DLGAP2: variants seen among roughly 807,000 people sequenced by gnomAD.
DLGAP2 encodes the protein DLG associated protein 2.
A neutral mutation model predicts 100.3 loss-of-function variants in DLGAP2; 26 were observed. That is an observed-to-expected ratio of 0.26 (90% CI 0.19 to 0.36). DLGAP2 has a LOEUF of 0.36. Ranked by LOEUF, DLGAP2 falls within the 10% of genes least tolerant of loss-of-function variation. DLGAP2 has a pLI of 1.00. For missense variants in DLGAP2, 1,858 were observed against 1,453.2 expected (o/e 1.28, Z -4.53); for synonymous variants, 886 against 630.1 (o/e 1.41, Z -6.08).
At chr8:833,451 G>A (rs1460129559) in intron 1 of DLGAP2, among the ~76,000 whole-genome samples, 2 of 152,140 alleles carry the variant, frequency 1.3e-5, no homozygotes, top group Admixed American at 6.5e-5. Flanking sequence ...TCCCAGCTTT[G>A]GAGGGTCCTG....
chr8:762,524 C>T (rs76422172), intron 1 of DLGAP2, among the ~76,000 whole-genome samples: 17 of 152,236 alleles, frequency 1.1e-4, no homozygotes, highest in Non-Finnish European at 2.1e-4. Flanking sequence ...GAAACCATTC[C>T]GAGTCGCCAC....
At chr8:1,432,827 G>T (rs1345779554) in intron 3 of DLGAP2, among the ~76,000 whole-genome samples, 1 of 152,192 alleles carries the variant, frequency 6.6e-6, no homozygotes, top group African/African-American at 2.4e-5. Context: ...GAGTCGCCTG[G>T]TCCAGACACA....
At chr8:746,860 G>C (rs1015867566) in intron 1 of DLGAP2, among the ~76,000 whole-genome samples, 1 of 152,212 alleles carries the variant, frequency 6.6e-6, no homozygotes, top group Non-Finnish European at 1.5e-5. Context: ...TGCTGGCTGC[G>C]GACGCTGGTC....
rs184314667 is a variant in DLGAP2 at position 1,360,913 on chromosome 8, T to A, written c.106+102030T>A. On this transcript the variant is annotated intron_variant, in intron 3 of 14. Transcript: ENST00000637795. ...CCACCGGACACGTGAACACGGTTTC[T>A]CGCCTCTCATCGCTCACGTGTTTCA... Among the ~76,000 whole-genome samples, 94 of 152,332 alleles carry A rather than the reference T, an allele frequency of 6.2e-4. 1 individual carries two copies. The highest frequency in any genetic ancestry group is 4.8e-3 in the East Asian group (25 of 5,186).
At chr8:1,258,937 G>A (rs1299003784) in intron 3 of DLGAP2, 54 bp downstream of exon 3, 4 of 1,223,054 alleles carry the variant, frequency 3.3e-6, no homozygotes, top group Non-Finnish European at 4.1e-6. Context: ...GCTCACAGGT[G>A]TGTGGCTGGC....
chr8:1,279,829 A>T (rs1799779752), intron 3 of DLGAP2, among the ~76,000 whole-genome samples: 1 of 152,182 alleles, frequency 6.6e-6, no homozygotes, highest in Non-Finnish European at 1.5e-5. Context: ...CACTCACGGG[A>T]GGGACACCCA....
In DLGAP2 at chr8:1,668,471, C is replaced by A. The variant is rs769284636; in HGVS notation, c.1953C>A (p.Ser651=). 13 of 1,594,460 alleles carry A rather than the reference C, an allele frequency of 8.2e-6. No homozygotes were observed. Among genetic ancestry groups the A allele is most frequent in the Non-Finnish European group, 1.1e-5 (13 of 1,171,636 alleles). The change falls in exon 9 of 15, where the codon TCC becomes TCA. Residue 651 remains serine (S), a synonymous_variant. Coordinates refer to ENST00000637795, the MANE Select transcript of DLGAP2 (RefSeq NM_001346810.2). ...AYQDSRAQRM[S]PWPQDSRGLY... is the part of the protein sequence containing the mutation. ...AGGACAGCCGCGCACAGAGGATGTC[C>A]CCGTGGCCCCAGGACAGCCGCGGCC...
intron 2 of DLGAP2, among the ~76,000 whole-genome samples, chr8:1,256,258 C>CTCA (rs1203949204): frequency 7.9e-6 from 1 of 126,194 alleles, no homozygotes; most frequent in African/African-American, 2.9e-5. Flanking sequence ...TGTGTGTCCT[C>CTCA]TCCTGCCTGG....
At chr8:1,104,681 C>CCTGGG in intron 2 of DLGAP2, among the ~76,000 whole-genome samples, 1 of 152,032 alleles carries the variant, frequency 6.6e-6, no homozygotes, top group Non-Finnish European at 1.5e-5. Flanking sequence ...GCTGTCGCTC[C>CCTGGG]CTGGGCTGGT....
intron 2 of DLGAP2, among the ~76,000 whole-genome samples, chr8:1,151,979 C>T (rs531443241): frequency 5.6e-4 from 85 of 152,298 alleles, no homozygotes; most frequent in Non-Finnish European, 8.5e-4. Context: ...AAGACACCTG[C>T]GAGTAGTTTT....
At chr8:1,037,902 C>T (rs745748482) in intron 2 of DLGAP2, among the ~76,000 whole-genome samples, 6 of 152,112 alleles carry the variant, frequency 3.9e-5, no homozygotes, top group Non-Finnish European at 8.8e-5. Flanking sequence ...GGTGTGAGCC[C>T]GAGAATTTGT....
At chr8:867,127 T>A (rs1248055550) in intron 1 of DLGAP2, among the ~76,000 whole-genome samples, 1 of 152,242 alleles carries the variant, frequency 6.6e-6, no homozygotes, top group Non-Finnish European at 1.5e-5. Context: ...GTGGGCAAAG[T>A]GACCACAGAC....
intron 2 of DLGAP2, among the ~76,000 whole-genome samples, chr8:1,160,818 G>A (rs1273019936): frequency 2.6e-5 from 4 of 152,202 alleles, no homozygotes; most frequent in Admixed American, 6.5e-5. Flanking sequence ...TCACCACCTC[G>A]AAGACCAGCA....
chr8:1,123,588 C>A (rs1283669391), intron 2 of DLGAP2, among the ~76,000 whole-genome samples: 1 of 152,156 alleles, frequency 6.6e-6, no homozygotes, highest in East Asian at 1.9e-4. Context: ...ACATTATAAA[C>A]CTGAGAAGGC....
intron 12 of DLGAP2, among the ~76,000 whole-genome samples, chr8:1,682,014 G>T (rs1431682523): frequency 6.6e-6 from 1 of 152,006 alleles, no homozygotes; most frequent in East Asian, 1.9e-4. Context: ...TCCACCCACG[G>T]TCCAAAGGCA....
rs796176548 is a variant in DLGAP2, at chr8:1,384,387, G to T, written c.107-116979G>T. Among the ~76,000 whole-genome samples, 162 of 87,538 alleles carry T rather than the reference G, an allele frequency of 1.9e-3. 1 individual carries two copies. Among genetic ancestry groups the T allele is most frequent in the East Asian group, 2.9e-3 (7 of 2,406 alleles). The allele number at this position is 87,538 out of a possible 152,430, so 57.4% of individuals were successfully genotyped here. A position where few individuals can be genotyped will look rare whatever the true frequency, so the allele number is the denominator to read the frequency against. On this transcript the variant is annotated intron_variant, in intron 3 of 14. Transcript: ENST00000637795. ...GCACAGTTACCCCGGCCTGTGCCCG[G>T]CCCCTGAGAACTTGGTGCTCAGTTA...
At chr8:770,704 C>T (rs142092779) in intron 1 of DLGAP2, among the ~76,000 whole-genome samples, 28 of 152,190 alleles carry the variant, frequency 1.8e-4, no homozygotes, top group South Asian at 4.1e-4. Context: ...ATTGCTGGGC[C>T]GGCTGTGGAA....
At position 1,566,005 on chromosome 8, in the gene DLGAP2, C is replaced by T. The variant is rs1381903582; in HGVS notation, c.1442+111C>T. Reference sequence around the variant, plus strand: ...AGTGCCATCCATTTAAACTAAATTGCCAAGCTGAAAATATTAGACCCATGG... The same window carrying T: ...AGTGCCATCCATTTAAACTAAATTGTCAAGCTGAAAATATTAGACCCATGG... On this transcript the variant is annotated intron_variant, in intron 6 of 14. Coordinates refer to ENST00000637795, the MANE Select transcript of DLGAP2 (RefSeq NM_001346810.2). The T allele has an allele frequency of 5.9e-6, 5 of 844,686 alleles. No homozygotes were observed. The African/African-American group carries it at 8.8e-5, about 15-fold the overall frequency. The allele number at this position is 844,686 out of a possible 1,614,324, so 52.3% of individuals were successfully genotyped here.
At chr8:853,394 G>A (rs903998452) in intron 1 of DLGAP2, among the ~76,000 whole-genome samples, 1 of 152,234 alleles carries the variant, frequency 6.6e-6, no homozygotes, top group Non-Finnish European at 1.5e-5. Context: ...GCCCAGGGTT[G>A]TGCTGGGGTC....
Sources: allele counts gnomAD v4.1 joint callset (sites outside exome capture counted in the v4.1 genomes callset), GRCh38; gene constraint gnomAD v4.1.1; transcripts MANE v1.5; gene names NCBI Gene and HGNC (gene_info 2026-07-23, HGNC 2026-07-21).